Variants in UTRN observed in about 807,000 individuals in gnomAD.
UTRN encodes dystrophin-related protein 1.
UTRN carries 283 observed loss-of-function variants against 463.9 expected under a neutral mutation model. The observed-to-expected ratio is 0.61, with a 90% confidence interval of 0.55 to 0.67. The LOEUF (loss-of-function observed/expected upper bound fraction) is 0.67, where lower values mean the gene tolerates loss of function less well. Among genes scored for constraint, UTRN ranks in the 30% least tolerant of loss-of-function variants. The probability of loss-of-function intolerance (pLI) is 0.00; values close to 1 mark genes in which losing one functional copy is unlikely to be tolerated. For missense variants in UTRN, 3,922 were observed against 4,084.3 expected, an observed-to-expected ratio of 0.96 and a Z score of 1.08; for synonymous variants, 1,442 against 1,431.5, an observed-to-expected ratio of 1.01 and a Z score of -0.17.
intron 50 of UTRN, among the ~76,000 whole-genome samples, chr6:144,559,686 A>G (rs1799687324): frequency 6.6e-6 from 1 of 152,084 alleles, no homozygotes; most frequent in Admixed American, 6.6e-5. Flanking sequence ...TCGCTTCCCT[A>G]AGGAGCCTGT....
chr6:144,567,102 A>G (rs1221445934), intron 50 of UTRN, among the ~76,000 whole-genome samples: 1 of 152,148 alleles, frequency 6.6e-6, no homozygotes, highest in Non-Finnish European at 1.5e-5. Flanking sequence ...AGCTGTGATC[A>G]CACCACTGCA....
Position 144,678,596 on chromosome 6 carries a change from C to T in UTRN, c.7652+18C>T, listed in dbSNP as rs754007793. The T allele has an allele frequency of 1.3e-6, 2 of 1,566,362 alleles. No homozygotes were observed. Among genetic ancestry groups the T allele is most frequent in the South Asian group, 1.2e-5 (1 of 84,982 alleles). ...AGCATCAGGTCAGAATAGTCAATAT[C>T]AAAATAAAAATAATGGGGTGGAAGG... is the stretch of plus-strand genomic sequence containing the variant. On this transcript the variant is annotated intron_variant, in intron 52 of 74. Coordinates refer to ENST00000367545, the MANE Select transcript of UTRN (RefSeq NM_007124.3).
intron 51 of UTRN, among the ~76,000 whole-genome samples, chr6:144,587,614 G>C (rs1802593876): frequency 6.6e-6 from 1 of 152,110 alleles, no homozygotes; most frequent in African/African-American, 2.4e-5. Flanking sequence ...GAATGGAGTG[G>C]TGTATTTTCG....
intron 27 of UTRN, 55 bp downstream of exon 27, chr6:144,482,443 T>TA: frequency 8.9e-7 from 1 of 1,124,938 alleles, no homozygotes; most frequent in East Asian, 3.8e-5. Context: ...TTATTATTAT[T>TA]TTCAGTGATG....
intron 58 of UTRN, among the ~76,000 whole-genome samples, chr6:144,760,921 C>A (rs1458324127): frequency 6.6e-6 from 1 of 152,054 alleles, no homozygotes; most frequent in African/African-American, 2.4e-5. Context: ...CTAGGAAGGG[C>A]AAATTATTTT....
In UTRN at chr6:144,479,878, G is replaced by A. The variant is rs757958729; in HGVS notation, c.3403G>A (p.Ala1135Thr). 1.2e-6 allele frequency: 2 copies of A among 1,614,140 alleles called. No homozygotes were observed. Among genetic ancestry groups the A allele is most frequent in the Non-Finnish European group, 1.7e-6 (2 of 1,180,014 alleles). ...AGCTGCGAACCTGAAGAAAGACTTG[G>A]CAGAGATGCAGGAATGGATGACCCA... ...EKAANLKKDL[A>T]EMQEWMTQAE... Residue 1135 changes from alanine (A) to threonine (T), a missense_variant, in exon 26 of 75, where the codon GCA (alanine) becomes ACA (threonine). By Grantham distance (58) the Ala-to-Thr change is moderately conservative. This residue lies in a region of UTRN where 2,349 missense variants were observed against 2,303.8 expected (regional missense o/e 1.02). Coordinates refer to ENST00000367545, the MANE Select transcript of UTRN (RefSeq NM_007124.3).
chr6:144,389,845 C>T (rs1462952592), intron 2 of UTRN, among the ~76,000 whole-genome samples: 3 of 152,190 alleles, frequency 2.0e-5, no homozygotes, highest in Non-Finnish European at 4.4e-5. Context: ...ATGATCCGCC[C>T]ATCCTGGCCT....
chr6:144,734,008 G>A (rs1348511521), intron 54 of UTRN, among the ~76,000 whole-genome samples: 1 of 152,106 alleles, frequency 6.6e-6, no homozygotes, highest in East Asian at 1.9e-4. Flanking sequence ...ATGACTACCT[G>A]AGTAAATAAG....
At chr6:144,700,356 C>T in intron 53 of UTRN, 113 bp downstream of exon 53, 2 of 1,218,212 alleles carry the variant, frequency 1.6e-6, no homozygotes, top group Non-Finnish European at 2.2e-6. Context: ...GGATTCCCCC[C>T]CCCACCACCG....
chr6:144,590,604 G>C (rs565616178), intron 51 of UTRN, among the ~76,000 whole-genome samples: 3 of 152,212 alleles, frequency 2.0e-5, no homozygotes, highest in South Asian at 4.1e-4. Context: ...AGAGATATGT[G>C]CTAAGCAGCA....
At chr6:144,590,183 G>A (rs1223205344) in intron 51 of UTRN, among the ~76,000 whole-genome samples, 1 of 151,994 alleles carries the variant, frequency 6.6e-6, no homozygotes, top group East Asian at 1.9e-4. Context: ...TTAAAAGTAA[G>A]GAAATATATT....
intron 54 of UTRN, among the ~76,000 whole-genome samples, chr6:144,738,948 A>G (rs1216830714): frequency 2.0e-5 from 3 of 152,168 alleles, no homozygotes; most frequent in Non-Finnish European, 4.4e-5. Context: ...ATAGTTGAGT[A>G]TAGTGGGTAT....
intron 2 of UTRN, among the ~76,000 whole-genome samples, chr6:144,314,000 T>C (rs1281456293): frequency 2.0e-5 from 3 of 152,292 alleles, no homozygotes; most frequent in Non-Finnish European, 4.4e-5. Flanking sequence ...AGAATATTTG[T>C]AATGAAATGG....
chr6:144,526,908 G>A (rs1796620500), intron 41 of UTRN, among the ~76,000 whole-genome samples: 4 of 152,012 alleles, frequency 2.6e-5, no homozygotes, highest in African/African-American at 9.7e-5. Flanking sequence ...GCAGTTCTCT[G>A]CCTCAGCCTC....
chr6:144,473,162 C>T (rs1047199020), intron 23 of UTRN, among the ~76,000 whole-genome samples: 2 of 152,094 alleles, frequency 1.3e-5, no homozygotes, highest in African/African-American at 4.8e-5. Context: ...GTCTTTGAAC[C>T]CCTATCGCCA....
At chr6:144,495,700 CCT>C (rs988209091) in intron 33 of UTRN, among the ~76,000 whole-genome samples, 15 of 152,210 alleles carry the variant, frequency 9.9e-5, no homozygotes, top group African/African-American at 3.4e-4. Flanking sequence ...CATGCTGTCA[CCT>C]CTCATTAGTA....
At chr6:144,363,917 A>G (rs767656502) in intron 2 of UTRN, among the ~76,000 whole-genome samples, 1 of 152,198 alleles carries the variant, frequency 6.6e-6, no homozygotes, top group Non-Finnish European at 1.5e-5. Flanking sequence ...ATATAGATGT[A>G]TCTGAATTTA....
intron 2 of UTRN, among the ~76,000 whole-genome samples, chr6:144,297,144 G>C (rs1804799198): frequency 6.6e-6 from 1 of 151,788 alleles, no homozygotes; most frequent in South Asian, 2.1e-4. Context: ...CACAGTGTAG[G>C]TCCTGGTCCG....
intron 2 of UTRN, among the ~76,000 whole-genome samples, chr6:144,397,685 A>G (rs2114783022): frequency 6.6e-6 from 1 of 152,086 alleles, no homozygotes; most frequent in African/African-American, 2.4e-5. Flanking sequence ...GGCTTATTCT[A>G]TCTAGAATGT....
Sources: allele counts gnomAD v4.1 joint callset (sites outside exome capture counted in the v4.1 genomes callset), GRCh38; gene constraint gnomAD v4.1.1; regional missense constraint gnomAD v4.1.1; transcripts MANE v1.5; gene names NCBI Gene and HGNC (gene_info 2026-07-23, HGNC 2026-07-21).